Variants in OPCML observed in about 807,000 individuals in gnomAD.
OPCML encodes the protein opioid binding protein/cell adhesion molecule like.
Under a neutral mutation model 37.8 loss-of-function variants are expected in OPCML, and 13 were observed. That is an observed-to-expected ratio of 0.34 (90% CI 0.22 to 0.55). OPCML has a LOEUF of 0.55. OPCML is among the 20% of genes least tolerant of loss of function. The probability of loss-of-function intolerance (pLI) is 0.91; values close to 1 mark genes in which losing one functional copy is unlikely to be tolerated. For missense variants in OPCML, 341 were observed against 435.6 expected, an observed-to-expected ratio of 0.78 and a Z score of 1.93; for synonymous variants, 176 against 168.8, an observed-to-expected ratio of 1.04 and a Z score of -0.33.
chr11:132,440,576 T>C (rs1023407103), intron 4 of OPCML, among the ~76,000 whole-genome samples: 2 of 152,202 alleles, frequency 1.3e-5, no homozygotes, highest in African/African-American at 4.8e-5. Flanking sequence ...GCTGAGACCC[T>C]TGTGGAGCCT....
At chr11:132,757,206 G>A (rs1362650982) in intron 2 of OPCML, among the ~76,000 whole-genome samples, 1 of 152,124 alleles carries the variant, frequency 6.6e-6, no homozygotes, top group East Asian at 1.9e-4. Flanking sequence ...ATCATTGATG[G>A]GCATTTGGGT....
chr11:133,500,476 T>A (rs1238530867), intron 1 of OPCML, among the ~76,000 whole-genome samples: 1 of 152,256 alleles, frequency 6.6e-6, no homozygotes, highest in African/African-American at 2.4e-5. Flanking sequence ...ACTGACATAA[T>A]GCCTTCTCCT....
intron 1 of OPCML, among the ~76,000 whole-genome samples, chr11:133,284,561 G>A (rs1009496333): frequency 6.6e-6 from 1 of 152,178 alleles, no homozygotes; most frequent in African/African-American, 2.4e-5. Context: ...AAGGGAGTCG[G>A]ACTTTTACTC....
intron 2 of OPCML, among the ~76,000 whole-genome samples, chr11:132,748,986 C>G (rs1174213684): frequency 6.6e-6 from 1 of 152,120 alleles, no homozygotes; most frequent in Non-Finnish European, 1.5e-5. Flanking sequence ...GCCTTCTCCT[C>G]CCTAAAAAAA....
intron 3 of OPCML, among the ~76,000 whole-genome samples, chr11:132,630,997 A>G (rs1006487887): frequency 2.0e-5 from 3 of 152,194 alleles, no homozygotes; most frequent in Admixed American, 2.0e-4. Flanking sequence ...CAGAAGCATG[A>G]TAAATGAAAG....
chr11:133,121,655 G>A (rs1949422655), intron 1 of OPCML, among the ~76,000 whole-genome samples: 1 of 152,130 alleles, frequency 6.6e-6, no homozygotes. Context: ...TGGGGAAACA[G>A]TTTGTATCTA....
At chr11:132,635,822 G>T (rs1940457507) in intron 3 of OPCML, among the ~76,000 whole-genome samples, 1 of 152,152 alleles carries the variant, frequency 6.6e-6, no homozygotes, top group Non-Finnish European at 1.5e-5. Context: ...AGGTAATCAT[G>T]ATCATAAGTC....
intron 4 of OPCML, among the ~76,000 whole-genome samples, chr11:132,496,617 G>A (rs1195006548): frequency 6.6e-6 from 1 of 152,204 alleles, no homozygotes. Context: ...TTCTGACAGA[G>A]CTCTCATCAC....
intron 4 of OPCML, among the ~76,000 whole-genome samples, chr11:132,487,119 T>C (rs2096202341): frequency 6.6e-6 from 1 of 152,218 alleles, no homozygotes; most frequent in Admixed American, 6.5e-5. Flanking sequence ...AGCTGGGCTC[T>C]CTCATCTCCA....
chr11:132,479,700 C>T (rs1156634346), intron 4 of OPCML, among the ~76,000 whole-genome samples: 1 of 152,168 alleles, frequency 6.6e-6, no homozygotes, highest in Non-Finnish European at 1.5e-5. Flanking sequence ...ACTGCCTCCT[C>T]AAGTGGGTCC....
chr11:132,917,940 TC>T (rs1218491170), intron 2 of OPCML, among the ~76,000 whole-genome samples: 1 of 152,192 alleles, frequency 6.6e-6, no homozygotes, highest in African/African-American at 2.4e-5. Flanking sequence ...TCTATGGTGC[TC>T]CATGATTTCT....
At chr11:133,059,101 T>C (rs561694526) in intron 1 of OPCML, among the ~76,000 whole-genome samples, 2 of 152,252 alleles carry the variant, frequency 1.3e-5, no homozygotes, top group African/African-American at 4.8e-5. Context: ...GCTGACTCCA[T>C]GGTCCGAACA....
At chr11:132,606,064 C>T (rs1250386388) in intron 3 of OPCML, among the ~76,000 whole-genome samples, 2 of 152,054 alleles carry the variant, frequency 1.3e-5, no homozygotes, top group African/African-American at 2.4e-5. Flanking sequence ...TCCAAGTGTC[C>T]TCAAGTACAC....
intron 1 of OPCML, among the ~76,000 whole-genome samples, chr11:133,391,168 C>T (rs371663402): frequency 1.3e-5 from 2 of 152,324 alleles, no homozygotes; most frequent in African/African-American, 4.8e-5. Flanking sequence ...TGCGAAGACA[C>T]GGCATACACG....
At chr11:133,399,678 T>C (rs1361463359) in intron 1 of OPCML, among the ~76,000 whole-genome samples, 3 of 152,044 alleles carry the variant, frequency 2.0e-5, no homozygotes, top group Non-Finnish European at 4.4e-5. Flanking sequence ...ATTAGTCCTA[T>C]TCTCCCTACA....
chr11:133,398,445 A>G (rs375336613), intron 1 of OPCML, among the ~76,000 whole-genome samples: 1 of 152,172 alleles, frequency 6.6e-6, no homozygotes, highest in Non-Finnish European at 1.5e-5. Flanking sequence ...GCCTACTACA[A>G]AAGTCTGGCT....
At chr11:132,595,139 T>C (rs1429988258) in intron 3 of OPCML, among the ~76,000 whole-genome samples, 4 of 151,972 alleles carry the variant, frequency 2.6e-5, no homozygotes, top group Non-Finnish European at 5.9e-5. Context: ...GGCCTCTGTT[T>C]GAGGCTGTGC....
At chr11:132,869,856 T>C (rs1385288804) in intron 2 of OPCML, among the ~76,000 whole-genome samples, 1 of 152,210 alleles carries the variant, frequency 6.6e-6, no homozygotes, top group Non-Finnish European at 1.5e-5. Flanking sequence ...TGAGCACAGA[T>C]GCACCTCTCC....
chr11:133,222,284 G>T (rs1279719124), intron 1 of OPCML, among the ~76,000 whole-genome samples: 2 of 152,216 alleles, frequency 1.3e-5, no homozygotes, highest in East Asian at 1.9e-4. Flanking sequence ...AGAAAACAGG[G>T]AGAGGTTTCA....
Sources: allele counts gnomAD v4.1 joint callset (sites outside exome capture counted in the v4.1 genomes callset), GRCh38; gene constraint gnomAD v4.1.1; transcripts MANE v1.5; gene names NCBI Gene and HGNC (gene_info 2026-07-23, HGNC 2026-07-21).